WBP11: variants seen among roughly 807,000 people sequenced by gnomAD.
WBP11 encodes the protein WW domain binding protein 11, also known as WW domain-binding protein 11.
Under a neutral mutation model 66.7 loss-of-function variants are expected in WBP11, and 12 were observed. That is an observed-to-expected ratio of 0.18 (90% CI 0.12 to 0.29). The LOEUF (loss-of-function observed/expected upper bound fraction) is 0.29, where lower values mean the gene tolerates loss of function less well. Ranked by LOEUF, WBP11 falls within the 10% of genes least tolerant of loss-of-function variation. The probability of loss-of-function intolerance (pLI) is 1.00; values close to 1 mark genes in which losing one functional copy is unlikely to be tolerated. For synonymous variants in WBP11, 255 were observed against 273.8 expected (o/e 0.93, Z 0.68); for missense variants, 555 against 818.3 (o/e 0.68, Z 3.93).
At chr12:14,794,068 TA>T in intron 7 of WBP11, 146 bp from the exon 8 acceptor site, 1 of 646,368 alleles carries the variant, frequency 1.5e-6, no homozygotes. Flanking sequence ...TTCTTGTATA[TA>T]TAGCTACTCA....
Position 14,795,050 on chromosome 12 carries a change from G to A in WBP11, c.442C>T (p.Pro148Ser). 1 of 1,613,030 alleles carries A rather than the reference G, an allele frequency of 6.2e-7. No homozygotes were observed. Among genetic ancestry groups the A allele is most frequent in the Admixed American group, 1.7e-5 (1 of 59,972 alleles). Residue 148 changes from proline (P) to serine (S), a missense_variant, in exon 6 of 12, where the codon CCT becomes TCT. Transcript: ENST00000261167. ...SIPLPDMPHA[P>S]SNILIQDIPL... ...ATGTCCTGGATCAAAATGTTGGAAG[G>A]AGCATGTGGCATATCTGGCAAAGGA...
intron 5 of WBP11, among the ~76,000 whole-genome samples, 155 bp from the exon 6 acceptor site, chr12:14,795,259 T>TC (rs1459457992): frequency 1.3e-5 from 2 of 152,174 alleles, no homozygotes; most frequent in Non-Finnish European, 2.9e-5. Context: ...CGTCAATACT[T>TC]CCACATTGTC....
intron 11 of WBP11, among the ~76,000 whole-genome samples, chr12:14,788,610 T>A (rs1005965053): frequency 4.4e-4 from 67 of 152,296 alleles, no homozygotes; most frequent in African/African-American, 1.5e-3. Flanking sequence ...ATGTCTAACC[T>A]TGACATTAGG....
At chr12:14,791,379 C>T (rs949405593) in intron 8 of WBP11, 109 bp from the exon 9 acceptor site, 3 of 771,000 alleles carry the variant, frequency 3.9e-6, no homozygotes, top group Non-Finnish European at 6.4e-6. Context: ...CACTACTTGG[C>T]AGAGGTGCAG....
intron 1 of WBP11, 35 bp from the exon 2 acceptor site, chr12:14,801,463 T>A: frequency 7.3e-7 from 1 of 1,366,352 alleles, no homozygotes; most frequent in Non-Finnish European, 1.0e-6. Flanking sequence ...AGCTTATATC[T>A]CCTAAATGTA....
Position 14,786,955 on chromosome 12 carries a change from T to A in WBP11, c.*110A>T. 8.3e-7 allele frequency: 1 copy of A among 1,200,576 alleles called. No individual in the cohort carries two copies. The highest frequency in any genetic ancestry group is 1.1e-6 in the Non-Finnish European group (1 of 880,524). The allele number at this position is 1,200,576 out of a possible 1,614,324, so 74.4% of individuals were successfully genotyped here. A position where few individuals can be genotyped will look rare whatever the true frequency, so the allele number is the denominator to read the frequency against. ...TTTTAGGATATTCCTTGAACTGAAA[T>A]TAGAAAATACCCTGACAATGGAAGC... On this transcript the variant is annotated 3_prime_UTR_variant, in exon 12 of 12. Coordinates refer to ENST00000261167, the MANE Select transcript of WBP11 (RefSeq NM_016312.3).
intron 8 of WBP11, 59 bp downstream of exon 8, chr12:14,793,672 G>A: frequency 6.5e-7 from 1 of 1,538,062 alleles, no homozygotes; most frequent in Non-Finnish European, 8.8e-7. Flanking sequence ...AATAAATTAG[G>A]ACCTTCAGCT....
Position 14,789,070 on chromosome 12 carries a change from A to G in WBP11, c.1373T>C (p.Leu458Ser). Residue 458 changes from leucine to serine, a missense_variant, in exon 11 of 12, where the codon TTA becomes TCA. Coordinates refer to ENST00000261167, the MANE Select transcript of WBP11 (RefSeq NM_016312.3). Reference sequence around the variant, plus strand: ...TCGGCCTGGTGGTGGTCCTGGAGGTAAAAGTCGGGGTAAGGGCCCTCGGAG... The same window carrying G: ...TCGGCCTGGTGGTGGTCCTGGAGGTGAAAGTCGGGGTAAGGGCCCTCGGAG... ...PGLRGPLPRL[L>S]PPGPPPGRPP... 8 of 1,517,312 alleles carry G rather than the reference A, an allele frequency of 5.3e-6. No individual in the cohort carries two copies. The highest frequency in any genetic ancestry group is 7.0e-6 in the Non-Finnish European group (8 of 1,146,344). 94.0% of individuals were successfully genotyped at this position (1,517,312 alleles called of 1,614,324 possible). A position where few individuals can be genotyped will look rare whatever the true frequency, so the allele number is the denominator to read the frequency against.
rs1949766348 is a variant in WBP11, at chr12:14,787,496, T to C, written c.1495A>G (p.Ile499Val). Residue 499 changes from isoleucine to valine, a missense_variant and splice_region_variant, in exon 12 of 12, where the codon ATT becomes GTT. Coordinates refer to ENST00000261167, the MANE Select transcript of WBP11 (RefSeq NM_016312.3). ...PRLPPPAPPGIPPPRPGMMRP... is the reference protein window; with the variant it reads ...PRLPPPAPPGVPPPRPGMMRP... ...ATCATGCCAGGACGAGGTGGAGGAA[T>C]ACCTAAATGAATAAAATAGGCAAGA... 3.3e-6 allele frequency: 5 copies of C among 1,498,358 alleles called. No homozygotes were observed. In the East Asian group the frequency reaches 1.1e-4, roughly 34 times the overall value. 92.8% of individuals were successfully genotyped at this position (1,498,358 alleles called of 1,614,324 possible).
rs887621337 is a variant in WBP11, at chr12:14,786,394, T to C, written c.*671A>G. On this transcript the variant is annotated 3_prime_UTR_variant, in exon 12 of 12. Transcript: ENST00000261167. ...ATTCTGTACCAGAAAGGCAGTTCCT[T>C]AAAGACCCAAGTTTTAAATATTTAA... 1 of 152,204 alleles carries C rather than the reference T, an allele frequency of 6.6e-6. No homozygotes were observed. Among genetic ancestry groups the C allele is most frequent in the Non-Finnish European group, 1.5e-5 (1 of 68,022 alleles). The allele number at this position is 152,204 out of a possible 1,614,324, so 9.4% of individuals were successfully genotyped here.
chr12:14,793,349 A>G (rs995742442), intron 8 of WBP11, among the ~76,000 whole-genome samples: 1 of 152,224 alleles, frequency 6.6e-6, no homozygotes, highest in African/African-American at 2.4e-5. Flanking sequence ...GTAAGATACC[A>G]TAAAAGGGCT....
chr12:14,787,430 CA>C lies in WBP11; in HGVS notation c.1560del (p.Leu522CysfsTer13), dbSNP rs759174029. ...PLVPPLGPAP[P>X]GLFPPAPLPN... Reference sequence around the variant, plus strand: ...GGCAAGGGAGCTGGTGGGAACAGCCCAGGGGGGGCAGGTCCAAGGGGAGGCA... The same window carrying C: ...GGCAAGGGAGCTGGTGGGAACAGCCCGGGGGGGCAGGTCCAAGGGGAGGCA... On this transcript the variant is annotated frameshift_variant, in exon 12 of 12. Coordinates refer to ENST00000261167, the MANE Select transcript of WBP11 (RefSeq NM_016312.3). LOFTEE classifies it high-confidence loss of function. 3 of 1,551,634 alleles carry C rather than the reference CA, an allele frequency of 1.9e-6. No homozygotes were observed. Among genetic ancestry groups the C allele is most frequent in the African/African-American group, 1.4e-5 (1 of 73,348 alleles).
chr12:14,792,920 T>C (rs1375801224), intron 8 of WBP11, among the ~76,000 whole-genome samples: 1 of 150,736 alleles, frequency 6.6e-6, no homozygotes, highest in Non-Finnish European at 1.5e-5. Flanking sequence ...CAGAAAAAAA[T>C]GGAGCTGCCA....
intron 8 of WBP11, among the ~76,000 whole-genome samples, chr12:14,792,136 TTAAAA>T (rs1463360678): frequency 8.6e-5 from 13 of 151,808 alleles, no homozygotes; most frequent in Non-Finnish European, 1.5e-4. Flanking sequence ...ACTATCAAAA[TTAAAA>T]TTTACAAAAA....
At chr12:14,794,373 TTTAC>T (rs1949862952) in intron 7 of WBP11, among the ~76,000 whole-genome samples, 160 bp downstream of exon 7, 1 of 152,188 alleles carries the variant, frequency 6.6e-6, no homozygotes, top group Non-Finnish European at 1.5e-5. Context: ...GTATGATGCT[TTTAC>T]TTGAGAAGAT....
Position 14,789,131 on chromosome 12 carries a change from C to G in WBP11, c.1312G>C (p.Ala438Pro). Residue 438 changes from alanine to proline, a missense_variant and splice_region_variant, in exon 11 of 12, where the codon GCT becomes CCT. Physicochemically the swap from Ala to Pro is conservative, Grantham distance 27. Around this residue, in one of 6 missense-constraint regions of WBP11, gnomAD observed 230 missense variants for 286.3 expected, o/e 0.80. Transcript: ENST00000261167. ...CCAGGTGGTCTCAGGAATGGAGGAG[C>G]TCCTGAAAAGAGAAAAATGATAAAT... ...TGLPPGPPPG[A>P]PPFLRPPGMP... 6.5e-7 allele frequency: 1 copy of G among 1,532,078 alleles called. No homozygotes were observed. Among genetic ancestry groups the G allele is most frequent in the Non-Finnish European group, 8.7e-7 (1 of 1,150,224 alleles). The allele number at this position is 1,532,078 out of a possible 1,614,324, so 94.9% of individuals were successfully genotyped here.
At position 14,790,551 on chromosome 12, in the gene WBP11, G is replaced by C. The variant is rs1292531001; in HGVS notation, c.1214C>G (p.Pro405Arg). 6.2e-7 allele frequency: 1 copy of C among 1,614,016 alleles called. No individual in the cohort carries two copies. The highest frequency in any genetic ancestry group is 1.7e-5 in the Admixed American group (1 of 60,024). The stretch of plus-strand genomic sequence containing the variant: ...AAGAGGTGGTGGTCCTGGCATGGGA[G>C]GTGCTTGTATCTGAGAAGGAGGAAC... ...QSVPPSQIQA[P>R]PMPGPPPLGP... Residue 405 changes from proline (P) to arginine (R), a missense_variant, in exon 10 of 12, where the codon CCT (proline) becomes CGT (arginine). Pro to Arg is a moderately radical substitution (Grantham distance 103). Around this residue, in one of 6 missense-constraint regions of WBP11, gnomAD observed 230 missense variants for 286.3 expected, o/e 0.80. Transcript: ENST00000261167.
At chr12:14,802,855 C>T (rs1949982536) in intron 1 of WBP11, among the ~76,000 whole-genome samples, 1 of 152,162 alleles carries the variant, frequency 6.6e-6, no homozygotes, top group Non-Finnish European at 1.5e-5. Flanking sequence ...AATCTCCTCC[C>T]CCACAAATGA....
chr12:14,800,312 A>C (rs1238807546), intron 3 of WBP11, among the ~76,000 whole-genome samples: 1 of 151,902 alleles, frequency 6.6e-6, no homozygotes, highest in Non-Finnish European at 1.5e-5. Context: ...TAATTGGGAA[A>C]ATGGATATAT....
Sources: allele counts gnomAD v4.1 joint callset (sites outside exome capture counted in the v4.1 genomes callset), GRCh38; gene constraint gnomAD v4.1.1; regional missense constraint gnomAD v4.1.1; transcripts MANE v1.5; gene names NCBI Gene and HGNC (gene_info 2026-07-23, HGNC 2026-07-21).